The following ZNF831 variants were observed in gnomAD, a reference collection of about 807,000 sequenced individuals.
ZNF831 encodes the protein chromosome 20 open reading frame 174.
In ZNF831, 59 loss-of-function variants were observed where a neutral mutation model predicts 95.8. The observed-to-expected ratio is 0.62, with a 90% CI of 0.50 to 0.77. ZNF831 has a LOEUF of 0.77. Ranked by LOEUF, ZNF831 falls within the 30% of genes least tolerant of loss-of-function variation. ZNF831 has a pLI of 0.00. For synonymous variants in ZNF831, 961 were observed against 925.5 expected (o/e 1.04, Z -0.70); for missense variants, 2,205 against 2,164.0 (o/e 1.02, Z -0.38).
intron 1 of ZNF831, among the ~76,000 whole-genome samples, chr20:59,124,124 A>G (rs1240235598): frequency 6.6e-6 from 1 of 152,056 alleles, no homozygotes; most frequent in Admixed American, 6.5e-5. Flanking sequence ...ATGTCAGGTG[A>G]TCCTCCAGCA....
chr20:59,238,089 C>T (rs1461266153), intron 4 of ZNF831, among the ~76,000 whole-genome samples: 1 of 152,216 alleles, frequency 6.6e-6, no homozygotes, highest in East Asian at 1.9e-4. Context: ...GCCAACCCTT[C>T]CCTAAGGCAA....
chr20:59,133,850 A>G (rs1038653739), intron 1 of ZNF831, among the ~76,000 whole-genome samples: 1 of 152,156 alleles, frequency 6.6e-6, no homozygotes, highest in South Asian at 2.1e-4. Context: ...GCCCTACTTG[A>G]CTTCCATGCT....
chr20:59,188,027 G>A lies in ZNF831; in HGVS notation c.-36-2957G>A, dbSNP rs551490958. On this transcript the variant is annotated intron_variant, in intron 1 of 5. Transcript: ENST00000371030. ...CGATTCTACGGTACTGTATATTGCCGTTTGTCTATCCACTCATCAGCTGAT... is the reference window on the plus strand; with the variant it reads ...CGATTCTACGGTACTGTATATTGCCATTTGTCTATCCACTCATCAGCTGAT... Among the ~76,000 whole-genome samples the A allele has an allele frequency of 1.3e-4, 20 of 152,264 alleles. 1 individual carries two copies. In the East Asian group the frequency reaches 1.5e-3, roughly 12 times the overall value.
intron 2 of ZNF831, among the ~76,000 whole-genome samples, chr20:59,149,040 G>T (rs1200708360): frequency 1.3e-5 from 2 of 152,200 alleles, no homozygotes; most frequent in Non-Finnish European, 2.9e-5. Context: ...CATTGGTAAC[G>T]AGGGTCTCCA....
At chr20:59,184,586 C>T (rs1269099637) in intron 1 of ZNF831, among the ~76,000 whole-genome samples, 1 of 152,140 alleles carries the variant, frequency 6.6e-6, no homozygotes, top group African/African-American at 2.4e-5. Context: ...TGAGTAACAG[C>T]GTAAGTGGTC....
At chr20:59,175,151 A>G (rs1335557967) in intron 1 of ZNF831, among the ~76,000 whole-genome samples, 1 of 124,322 alleles carries the variant, frequency 8.0e-6, no homozygotes. Flanking sequence ...GCTTCTTTCA[A>G]TATTTTTTAT....
Position 59,193,649 on chromosome 20 carries a change from G to T in ZNF831, c.2630G>T (p.Gly877Val), listed in dbSNP as rs200405760. 5.7e-4 allele frequency: 925 copies of T among 1,612,748 alleles called. 2 individuals are homozygous for T. The highest frequency in any genetic ancestry group is 7.3e-4 in the Non-Finnish European group (863 of 1,179,790). The change falls in exon 2 of 6, where the codon GGC (glycine) becomes GTC (valine). Residue 877 changes from glycine to valine, a missense_variant. Gly to Val is a moderately radical substitution (Grantham distance 109, BLOSUM62 -3). Coordinates refer to ENST00000371030, the MANE Select transcript of ZNF831 (RefSeq NM_178457.3). The part of the protein sequence containing the change: ...GGSKESARQV[G>V]EPLESSGASL... ...TCAAAGGAGAGTGCCAGGCAGGTGG[G>T]CGAGCCTCTGGAGTCCTCTGGAGCC...
chr20:59,253,841 TC>T (rs1450260576), intron 5 of ZNF831, 56 bp from the exon 6 acceptor site: 2 of 1,492,720 alleles, frequency 1.3e-6, no homozygotes, highest in African/African-American at 2.8e-5. Context: ...ACCACATTTT[TC>T]TTTGTACCAA....
intron 1 of ZNF831, among the ~76,000 whole-genome samples, chr20:59,178,365 G>A (rs992340771): frequency 1.6e-4 from 24 of 152,244 alleles, no homozygotes; most frequent in Non-Finnish European, 2.8e-4. Flanking sequence ...AAGTAAGTGA[G>A]GAACCTCTTC....
At chr20:59,199,823 GT>G (rs1360457602) in intron 3 of ZNF831, among the ~76,000 whole-genome samples, 1 of 151,698 alleles carries the variant, frequency 6.6e-6, no homozygotes, top group Non-Finnish European at 1.5e-5. Flanking sequence ...CTTTTCATTT[GT>G]TTCTGCATGT....
At chr20:59,245,216 C>A (rs1987531592) in intron 4 of ZNF831, among the ~76,000 whole-genome samples, 1 of 152,200 alleles carries the variant, frequency 6.6e-6, no homozygotes, top group African/African-American at 2.4e-5. Flanking sequence ...TGTTGGGTAG[C>A]ACAATGCTAC....
At chr20:59,227,823 A>G (rs1443245288) in intron 4 of ZNF831, among the ~76,000 whole-genome samples, 2 of 152,194 alleles carry the variant, frequency 1.3e-5, no homozygotes, top group Admixed American at 6.5e-5. Context: ...TTTGAAAAAA[A>G]TACAAGCGCC....
intron 1 of ZNF831, among the ~76,000 whole-genome samples, chr20:59,182,817 A>T (rs967681995): frequency 1.3e-5 from 2 of 152,166 alleles, no homozygotes; most frequent in African/African-American, 4.8e-5. Context: ...GGGAACTAAC[A>T]TGTGTTTGGC....
chr20:59,131,544 C>T (rs1979352937), intron 1 of ZNF831, among the ~76,000 whole-genome samples: 1 of 152,344 alleles, frequency 6.6e-6, no homozygotes, highest in Admixed American at 6.5e-5. Context: ...TTCTTGCTGC[C>T]TACTCTGCCC....
intron 4 of ZNF831, among the ~76,000 whole-genome samples, chr20:59,238,789 A>G (rs1163840976): frequency 6.6e-6 from 1 of 152,072 alleles, no homozygotes; most frequent in East Asian, 1.9e-4. Flanking sequence ...ACCTCATGCT[A>G]TTTCATCTCC....
intron 4 of ZNF831, among the ~76,000 whole-genome samples, chr20:59,248,973 C>T (rs951623502): frequency 6.6e-6 from 1 of 152,166 alleles, no homozygotes; most frequent in African/African-American, 2.4e-5. Flanking sequence ...TCACTTGTAC[C>T]CCACAAGATC....
intron 3 of ZNF831, among the ~76,000 whole-genome samples, chr20:59,205,791 A>T (rs1032813535): frequency 1.6e-4 from 24 of 152,210 alleles, no homozygotes; most frequent in African/African-American, 5.5e-4. Context: ...AAAGAGCTTA[A>T]GGCATATTGC....
chr20:59,211,384 C>G (rs1985319631), intron 4 of ZNF831, among the ~76,000 whole-genome samples: 1 of 152,224 alleles, frequency 6.6e-6, no homozygotes, highest in Non-Finnish European at 1.5e-5. Context: ...GGTAGAAGCC[C>G]TAGCCCAGAG....
intron 1 of ZNF831, among the ~76,000 whole-genome samples, chr20:59,130,419 C>T (rs577231852): frequency 2.0e-5 from 3 of 152,228 alleles, no homozygotes; most frequent in South Asian, 2.1e-4. Context: ...TGCTGGCATC[C>T]GGCCTGGCAC....
Sources: allele counts gnomAD v4.1 joint callset (sites outside exome capture counted in the v4.1 genomes callset), GRCh38; gene constraint gnomAD v4.1.1; transcripts MANE v1.5; gene names NCBI Gene and HGNC (gene_info 2026-07-23, HGNC 2026-07-21).